Variants in PCDH7 observed in about 807,000 individuals in gnomAD.
PCDH7 encodes the protein protocadherin 7.
PCDH7 carries 17 observed loss-of-function variants against 58.9 expected under a neutral mutation model. The observed-to-expected ratio is 0.29, with a 90% CI of 0.20 to 0.43. The LOEUF (loss-of-function observed/expected upper bound fraction) is 0.43. Among genes scored for constraint, PCDH7 ranks in the 20% least tolerant of loss-of-function variants. PCDH7 has a pLI of 1.00. For missense variants in PCDH7, 1,274 were observed against 1,441.0 expected (o/e 0.88, Z 1.88); for synonymous variants, 664 against 616.4 (o/e 1.08, Z -1.14).
At position 30,920,370 on chromosome 4, in the gene PCDH7, G is replaced by C. The variant is rs924569988; in HGVS notation, c.287+1G>C. On this transcript the variant is annotated splice_donor_variant, in intron 2 of 3. Coordinates refer to the PCDH7 transcript ENST00000509759. LOFTEE classifies it high-confidence loss of function. ...GGTGAGGCAGAGCATATGGAAAATGGTAGGGGCAAACACAACATCCACACA... is the reference window on the plus strand; with the variant it reads ...GGTGAGGCAGAGCATATGGAAAATGCTAGGGGCAAACACAACATCCACACA... The C allele has an allele frequency of 7.3e-7, 1 of 1,366,388 alleles. No individual in the cohort carries two copies. The highest frequency in any genetic ancestry group is 9.8e-7 in the Non-Finnish European group (1 of 1,021,376). 84.6% of individuals were successfully genotyped at this position (1,366,388 alleles called of 1,614,324 possible).
intron 3 of PCDH7, among the ~76,000 whole-genome samples, chr4:30,975,842 G>A (rs1174079433): frequency 6.6e-6 from 1 of 152,184 alleles, no homozygotes; most frequent in Non-Finnish European, 1.5e-5. Flanking sequence ...AGCCAAATAA[G>A]AATGTCAGGC....
chr4:30,984,371 A>G (rs1016358941), intron 3 of PCDH7, among the ~76,000 whole-genome samples: 1 of 152,230 alleles, frequency 6.6e-6, no homozygotes, highest in Non-Finnish European at 1.5e-5. Context: ...TTGTGAGAAC[A>G]TATGGAAAGA....
intron 3 of PCDH7, among the ~76,000 whole-genome samples, chr4:31,007,228 A>G (rs1239877816): frequency 6.6e-6 from 1 of 152,168 alleles, no homozygotes; most frequent in Non-Finnish European, 1.5e-5. Context: ...TGGAGATAAT[A>G]ATTGTAAATA....
intron 1 of PCDH7, among the ~76,000 whole-genome samples, chr4:30,832,917 G>T (rs943018610): frequency 1.3e-5 from 2 of 152,172 alleles, no homozygotes; most frequent in African/African-American, 2.4e-5. Flanking sequence ...ACTCAGTGTA[G>T]GTCACAGAAG....
At chr4:30,881,382 T>G (rs1736955678) in intron 1 of PCDH7, among the ~76,000 whole-genome samples, 1 of 151,868 alleles carries the variant, frequency 6.6e-6, no homozygotes, top group Non-Finnish European at 1.5e-5. Flanking sequence ...CAGAACAAAC[T>G]ATAAGTTTCC....
intron 3 of PCDH7, among the ~76,000 whole-genome samples, chr4:31,139,593 T>A (rs1374041500): frequency 6.6e-6 from 1 of 152,274 alleles, no homozygotes; most frequent in Middle Eastern, 3.4e-3. Context: ...GTTGAAAAAA[T>A]TCATAATATA....
At chr4:30,964,663 T>A (rs906094583) in intron 3 of PCDH7, among the ~76,000 whole-genome samples, 13 of 150,382 alleles carry the variant, frequency 8.6e-5, no homozygotes, top group Non-Finnish European at 1.9e-4. Context: ...TAGCAGCAGA[T>A]GTACAGTTTC....
At chr4:30,946,855 GC>G (rs1394719672) in intron 2 of PCDH7, among the ~76,000 whole-genome samples, 1 of 151,790 alleles carries the variant, frequency 6.6e-6, no homozygotes, top group Non-Finnish European at 1.5e-5. Context: ...GATTACAGGC[GC>G]CCACCACCAT....
At chr4:31,069,228 C>T (rs1643904921) in intron 3 of PCDH7, among the ~76,000 whole-genome samples, 1 of 151,908 alleles carries the variant, frequency 6.6e-6, no homozygotes, top group South Asian at 2.1e-4. Flanking sequence ...CAGCCCTATG[C>T]CAACTGTTGC....
chr4:30,953,200 T>A (rs763892568), intron 3 of PCDH7, among the ~76,000 whole-genome samples: 18 of 152,128 alleles, frequency 1.2e-4, no homozygotes, highest in Non-Finnish European at 2.4e-4. Flanking sequence ...ATCTTTAACT[T>A]TCCAGCTTTT....
At chr4:30,865,239 G>T (rs1173798348) in intron 1 of PCDH7, among the ~76,000 whole-genome samples, 2 of 152,076 alleles carry the variant, frequency 1.3e-5, no homozygotes, top group Non-Finnish European at 2.9e-5. Flanking sequence ...TAGGACTTGG[G>T]ATGTTCCTAA....
At chr4:30,897,830 T>G (rs772335545) in intron 1 of PCDH7, among the ~76,000 whole-genome samples, 10 of 152,176 alleles carry the variant, frequency 6.6e-5, no homozygotes, top group Non-Finnish European at 1.5e-4. Context: ...CAAAATTGCT[T>G]TTAGTTTTAT....
chr4:30,879,853 C>A (rs1257793635), intron 1 of PCDH7, among the ~76,000 whole-genome samples: 2 of 152,086 alleles, frequency 1.3e-5, no homozygotes, highest in Admixed American at 1.3e-4. Flanking sequence ...CTGGTTGCTA[C>A]CAGTTAATAA....
chr4:31,050,363 G>C (rs1032517164), intron 3 of PCDH7, among the ~76,000 whole-genome samples: 2 of 152,044 alleles, frequency 1.3e-5, no homozygotes, highest in Non-Finnish European at 2.9e-5. Context: ...ATGTAGGTGG[G>C]GGCAAGTCTG....
intron 3 of PCDH7, among the ~76,000 whole-genome samples, chr4:30,954,366 T>G (rs1747641506): frequency 6.6e-6 from 1 of 152,174 alleles, no homozygotes; most frequent in Non-Finnish European, 1.5e-5. Context: ...GTAATTATAT[T>G]GTGTGACTTT....
intron 1 of PCDH7, among the ~76,000 whole-genome samples, chr4:30,743,009 A>G (rs1717283825): frequency 6.6e-6 from 1 of 152,098 alleles, no homozygotes; most frequent in African/African-American, 2.4e-5. Flanking sequence ...AATTCATCTA[A>G]TACTCTCTGG....
intron 3 of PCDH7, among the ~76,000 whole-genome samples, chr4:31,080,227 T>A (rs1436066876): frequency 4.6e-5 from 7 of 152,178 alleles, no homozygotes; most frequent in African/African-American, 1.7e-4. Flanking sequence ...TGTCACCTGA[T>A]TTTGCTTCTT....
chr4:30,841,510 A>G (rs1015469716), intron 1 of PCDH7, among the ~76,000 whole-genome samples: 3 of 152,166 alleles, frequency 2.0e-5, no homozygotes, highest in African/African-American at 7.2e-5. Context: ...TATCTAAAGC[A>G]TTACCCTCCA....
At chr4:31,035,272 G>C (rs1347963611) in intron 3 of PCDH7, among the ~76,000 whole-genome samples, 2 of 15,838 alleles carry the variant, frequency 1.3e-4, no homozygotes, top group Admixed American at 7.7e-4. Context: ...TTTTTTTTTT[G>C]AGACGGAGTC....
Sources: gnomAD v4.1 joint callset for allele counts (sites outside exome capture counted in the v4.1 genomes callset) on GRCh38, gnomAD v4.1.1 for gene constraint, MANE v1.5 for transcripts, NCBI Gene and HGNC (gene_info 2026-07-23, HGNC 2026-07-21) for gene names.